Variants in ITGAL observed in about 807,000 individuals in gnomAD.
The protein encoded by ITGAL is integrin alpha-L.
Under a neutral mutation model 138.4 loss-of-function variants are expected in ITGAL, and 68 were observed. The observed-to-expected ratio is 0.49, with a 90% CI of 0.40 to 0.60. ITGAL has a LOEUF of 0.60. Among genes scored for constraint, ITGAL ranks in the 20% least tolerant of loss-of-function variants. ITGAL has a pLI of 0.00. For synonymous variants in ITGAL, 561 were observed against 584.3 expected, an observed-to-expected ratio of 0.96 and a Z score of 0.57; for missense variants, 1,256 against 1,478.6, an observed-to-expected ratio of 0.85 and a Z score of 2.47.
chr16:30,473,691 G>A (rs1233364637), intron 1 of ITGAL, among the ~76,000 whole-genome samples: 2 of 152,122 alleles, frequency 1.3e-5, no homozygotes, highest in Non-Finnish European at 2.9e-5. Flanking sequence ...TGACTGAGGG[G>A]GAAGGGAGCT....
At chr16:30,510,266 G>A in intron 21 of ITGAL, 95 bp from the exon 22 acceptor site, 2 of 741,716 alleles carry the variant, frequency 2.7e-6, no homozygotes, top group Non-Finnish European at 4.9e-6. Context: ...GACAGGGACA[G>A]AGCCCCTGGG....
intron 30 of ITGAL, among the ~76,000 whole-genome samples, chr16:30,520,474 T>C (rs564196972): frequency 1.2e-4 from 19 of 152,206 alleles, no homozygotes; most frequent in Non-Finnish European, 2.4e-4. Flanking sequence ...TCCACGGTCA[T>C]TCAGCCCATC....
chr16:30,482,915 C>T (rs1161007604), intron 7 of ITGAL, among the ~76,000 whole-genome samples: 2 of 152,068 alleles, frequency 1.3e-5, no homozygotes, highest in Admixed American at 6.6e-5. Flanking sequence ...CAGCCTCAAA[C>T]TCCTGGGCTC....
chr16:30,502,215 G>T (rs1228912449), intron 17 of ITGAL, among the ~76,000 whole-genome samples: 2 of 150,844 alleles, frequency 1.3e-5, no homozygotes, highest in Non-Finnish European at 3.0e-5. Flanking sequence ...GGCTAACACG[G>T]TGAAACCCCG....
rs755499977 is a variant in ITGAL, at chr16:30,506,836, C to A, written c.2488C>A (p.Arg830Ser). Residue 830 changes from arginine to serine, a missense_variant, in exon 21 of 31, where the codon CGC (arginine) becomes AGC (serine). This residue lies in a region of ITGAL where 867 missense variants were observed against 972.5 expected (regional missense o/e 0.89). Coordinates refer to ENST00000356798, the MANE Select transcript of ITGAL (RefSeq NM_002209.3). ...DLHFPPGLSF[R>S]KVEMLKPHSQ... is the part of the protein sequence containing the mutation. ...GCACTTCCCCCCGGGACTCTCCTTC[C>A]GCAAGGTGGAGATGCTGAAGGTGGG... 3 of 1,613,802 alleles carry A rather than the reference C, an allele frequency of 1.9e-6. No homozygotes were observed. Among genetic ancestry groups the A allele is most frequent in the African/African-American group, 2.7e-5 (2 of 74,908 alleles).
intron 9 of ITGAL, among the ~76,000 whole-genome samples, chr16:30,486,324 C>T (rs754518596): frequency 6.0e-5 from 9 of 151,110 alleles, no homozygotes; most frequent in Admixed American, 1.3e-4. Context: ...GTAGGAGAAT[C>T]GCTTGAACCC....
chr16:30,490,122 G>A, intron 11 of ITGAL, among the ~76,000 whole-genome samples: 1 of 151,752 alleles, frequency 6.6e-6, no homozygotes, highest in Non-Finnish European at 1.5e-5. Flanking sequence ...AGCTACTCAG[G>A]GGGCTGAGGC....
chr16:30,494,996 G>A lies in ITGAL; in HGVS notation c.1503+146G>A. On this transcript the variant is annotated intron_variant, in intron 13 of 30. Transcript: ENST00000356798. The surrounding 1 kb of genome is among the most constrained non-coding windows in gnomAD (Gnocchi z 4.2). ...GAGGCAATAGCAAATCCTCACTGGG[G>A]AAAGACTGTATGCAGGGTCCAGTGC... 1.2e-6 allele frequency: 1 copy of A among 815,862 alleles called. No individual in the cohort carries two copies. Among genetic ancestry groups the A allele is most frequent in the Non-Finnish European group, 1.9e-6 (1 of 531,844 alleles). 50.5% of individuals were successfully genotyped at this position (815,862 alleles called of 1,614,324 possible). A position where few individuals can be genotyped will look rare whatever the true frequency, so the allele number is the denominator to read the frequency against.
intron 20 of ITGAL, among the ~76,000 whole-genome samples, chr16:30,506,079 G>C (rs544760168): frequency 6.6e-6 from 1 of 152,024 alleles, no homozygotes; most frequent in Non-Finnish European, 1.5e-5. Flanking sequence ...GGCCAACATG[G>C]TGAAACCCTG....
chr16:30,503,293 A>G (rs2050933065), intron 17 of ITGAL, among the ~76,000 whole-genome samples: 1 of 152,056 alleles, frequency 6.6e-6, no homozygotes, highest in Non-Finnish European at 1.5e-5. Flanking sequence ...TAAGATTTAG[A>G]CATTTTAAAC....
chr16:30,504,094 A>G, intron 17 of ITGAL, 81 bp from the exon 18 acceptor site: 2 of 1,076,416 alleles, frequency 1.9e-6, no homozygotes, highest in Non-Finnish European at 2.9e-6. Context: ...TCACTTGTAA[A>G]ATGCTGACAA....
At chr16:30,507,276 G>A (rs2051015973) in intron 21 of ITGAL, among the ~76,000 whole-genome samples, 1 of 151,860 alleles carries the variant, frequency 6.6e-6, no homozygotes, top group Non-Finnish European at 1.5e-5. Context: ...TGGCTAACAC[G>A]GTGAAACCCC....
At chr16:30,477,116 C>T (rs1435247749) in intron 4 of ITGAL, 1 of 152,224 alleles carries the variant, frequency 6.6e-6, no homozygotes, top group East Asian at 1.9e-4. Flanking sequence ...CTCTCTCCAA[C>T]TTATCCCAGC....
chr16:30,503,497 GAGAA>G (rs1177466502), intron 17 of ITGAL, among the ~76,000 whole-genome samples: 2 of 132,728 alleles, frequency 1.5e-5, no homozygotes, highest in Non-Finnish European at 3.2e-5. Context: ...GAAAGAGAAA[GAGAA>G]AGAAAGGAGG....
intron 24 of ITGAL, among the ~76,000 whole-genome samples, chr16:30,512,274 C>G (rs1452555831): frequency 1.3e-5 from 2 of 152,068 alleles, no homozygotes; most frequent in Admixed American, 1.3e-4. Flanking sequence ...AAACCTGTTA[C>G]AGGTCTTCTC....
rs745385078 is a variant in ITGAL at position 30,489,088 on chromosome 16, G to A, written c.1013G>A (p.Ser338Asn). ...QKKIYVIEGTSKQDLTSFNME... is the reference protein window; with the variant it reads ...QKKIYVIEGTNKQDLTSFNME... ...TCTCTGCTTTGTTCCCCAGGCACAAGCAAACAGGACCTGACTTCCTTCAAC... is the reference window on the plus strand; with the variant it reads ...TCTCTGCTTTGTTCCCCAGGCACAAACAAACAGGACCTGACTTCCTTCAAC... Residue 338 changes from serine (S) to asparagine (N), a missense_variant, in exon 10 of 31, where the codon AGC (serine) becomes AAC (asparagine). Coordinates refer to ENST00000356798, the MANE Select transcript of ITGAL (RefSeq NM_002209.3). The A allele has an allele frequency of 6.2e-7, 1 of 1,613,530 alleles. No homozygotes were observed. Among genetic ancestry groups the A allele is most frequent in the Non-Finnish European group, 8.5e-7 (1 of 1,179,996 alleles).
Position 30,496,223 on chromosome 16 carries a change from C to G in ITGAL, c.1630C>G (p.Pro544Ala), listed in dbSNP as rs2050797110. The change falls in exon 14 of 31, where the codon CCT becomes GCT. Residue 544 changes from proline (P) to alanine (A), a missense_variant. By Grantham distance (27) the Pro-to-Ala change is conservative. Around this residue, in one of 3 missense-constraint regions of ITGAL, gnomAD observed 867 missense variants for 972.5 expected, o/e 0.89. Transcript: ENST00000356798. ...DGLVDVAVGA[P>A]LEEQGAVYIF... Reference sequence around the variant, plus strand: ...GCTGGTAGACGTGGCTGTGGGGGCCCCTCTGGAGGAGCAGGGGGCTGTGTA... The same window carrying G: ...GCTGGTAGACGTGGCTGTGGGGGCCGCTCTGGAGGAGCAGGGGGCTGTGTA... The G allele has an allele frequency of 3.1e-6, 5 of 1,609,602 alleles. No individual in the cohort carries two copies. The highest frequency in any genetic ancestry group is 4.2e-6 in the Non-Finnish European group (5 of 1,178,306).
intron 11 of ITGAL, among the ~76,000 whole-genome samples, chr16:30,490,464 C>A (rs897832040): frequency 6.6e-6 from 1 of 152,078 alleles, no homozygotes; most frequent in Non-Finnish European, 1.5e-5. Flanking sequence ...AGCTCGCCAC[C>A]CTTCCTTGTG....
At position 30,517,061 on chromosome 16, in the gene ITGAL, TCA is replaced by T; in HGVS notation, c.2957_2958del (p.His986ProfsTer15). On this transcript the variant is annotated frameshift_variant, in exon 26 of 31. Coordinates refer to ENST00000356798, the MANE Select transcript of ITGAL (RefSeq NM_002209.3). LOFTEE classifies it high-confidence loss of function. ...CCACAGCCTCCCAGCGAGGGGCCCA[TCA>T]CACACCAGTGGAGCGTGCAGATGGT... 1.9e-6 allele frequency: 3 copies of T among 1,611,960 alleles called. No individual in the cohort carries two copies. Among genetic ancestry groups the T allele is most frequent in the East Asian group, 2.2e-5 (1 of 44,838 alleles).
Sources: allele counts gnomAD v4.1 joint callset (sites outside exome capture counted in the v4.1 genomes callset), GRCh38; gene constraint gnomAD v4.1.1; regional missense constraint gnomAD v4.1.1; non-coding constraint Gnocchi (gnomAD v3.1); transcripts MANE v1.5; gene names NCBI Gene and HGNC (gene_info 2026-07-23, HGNC 2026-07-21).